Variants in ZFHX4 observed in about 807,000 individuals in gnomAD.
ZFHX4 encodes the protein zinc finger homeobox 4, also known as zinc finger homeobox protein 4.
Under a neutral mutation model 267.6 loss-of-function variants are expected in ZFHX4, and 56 were observed. The observed-to-expected ratio is 0.21, with a 90% CI of 0.17 to 0.26. The LOEUF is 0.26. ZFHX4 is among the 10% of genes least tolerant of loss of function. The probability of loss-of-function intolerance (pLI) is 1.00; values close to 1 mark genes in which losing one functional copy is unlikely to be tolerated. For missense variants in ZFHX4, 4,332 were observed against 4,420.0 expected (o/e 0.98, Z 0.56); for synonymous variants, 1,778 against 1,665.6 (o/e 1.07, Z -1.64).
chr8:76,788,822 G>C (rs187937021), intron 4 of ZFHX4, among the ~76,000 whole-genome samples: 8 of 152,206 alleles, frequency 5.3e-5, no homozygotes, highest in African/African-American at 1.7e-4. Context: ...GCAGGTCTGG[G>C]GTCTGGGCCA....
At chr8:76,689,712 A>C (rs1807778181) in intron 1 of ZFHX4, among the ~76,000 whole-genome samples, 1 of 152,104 alleles carries the variant, frequency 6.6e-6, no homozygotes, top group East Asian at 1.9e-4. Flanking sequence ...CATATTTGAC[A>C]TACAATCCTC....
At chr8:76,833,303 A>G in intron 4 of ZFHX4, 35 bp from the exon 5 acceptor site, 1 of 1,583,888 alleles carries the variant, frequency 6.3e-7, no homozygotes, top group Non-Finnish European at 8.6e-7. Context: ...TGGATATGGC[A>G]TGCTGATTAC....
intron 3 of ZFHX4, among the ~76,000 whole-genome samples, chr8:76,734,795 G>A (rs1809114500): frequency 6.6e-6 from 1 of 152,170 alleles, no homozygotes; most frequent in Non-Finnish European, 1.5e-5. Context: ...ATCACACTGT[G>A]TAGTCTTTGA....
Position 76,849,571 on chromosome 8 carries a change from C to T in ZFHX4, c.3705C>T (p.His1235=), listed in dbSNP as rs368857184. The part of the protein sequence containing the change: ...NSRDQSRIQM[H]VLSQHSVQPV... ...GGGACCAAAGTCGTATCCAGATGCACGTCCTATCACAGCACTCGGTGCAGC... is the reference window on the plus strand; with the variant it reads ...GGGACCAAAGTCGTATCCAGATGCATGTCCTATCACAGCACTCGGTGCAGC... Residue 1235 remains histidine (H), a synonymous_variant, in exon 8 of 11, where the codon CAC becomes CAT. Transcript: ENST00000651372. The T allele has an allele frequency of 1.1e-5, 17 of 1,613,986 alleles. No individual in the cohort carries two copies. In the African/African-American group the frequency reaches 1.3e-4, roughly 13 times the overall value.
rs752326078 is a variant in ZFHX4 at position 76,706,658 on chromosome 8, C to T, written c.2570C>T (p.Ala857Val). 19 of 1,591,324 alleles carry T rather than the reference C, an allele frequency of 1.2e-5. No individual in the cohort carries two copies. Among genetic ancestry groups the T allele is most frequent in the South Asian group, 5.8e-5 (5 of 86,560 alleles). ...TTCCAGCTGGATCCAGCGACAGCAGCGGCTTTGGCACCAGGGCTCGGTTAG... is the reference window on the plus strand; with the variant it reads ...TTCCAGCTGGATCCAGCGACAGCAGTGGCTTTGGCACCAGGGCTCGGTTAG... ...NPFQLDPATAAALAPGLVNNE... is the reference protein window; with the variant it reads ...NPFQLDPATAVALAPGLVNNE... The change falls in exon 2 of 11, where the codon GCG (alanine) becomes GTG (valine). Residue 857 changes from alanine (A) to valine (V), a missense_variant. Physicochemically the swap from Ala to Val is moderately conservative, Grantham distance 64. Around this residue, in one of 7 missense-constraint regions of ZFHX4, gnomAD observed 1,195 missense variants for 1,173.6 expected, o/e 1.02. Coordinates refer to ENST00000651372, the MANE Select transcript of ZFHX4 (RefSeq NM_024721.5).
At chr8:76,807,076 C>A (rs903099698) in intron 4 of ZFHX4, among the ~76,000 whole-genome samples, 2 of 152,084 alleles carry the variant, frequency 1.3e-5, no homozygotes, top group Non-Finnish European at 2.9e-5. Context: ...TGGCATCATG[C>A]ACTTTTTAGT....
At chr8:76,763,076 C>T (rs7821604) in intron 3 of ZFHX4, among the ~76,000 whole-genome samples, 8 of 151,980 alleles carry the variant, frequency 5.3e-5, no homozygotes, top group African/African-American at 1.5e-4. Flanking sequence ...TATCCCCTCA[C>T]GGCATCCAGA....
chr8:76,847,121 G>A (rs983310008), intron 6 of ZFHX4, among the ~76,000 whole-genome samples: 3 of 152,136 alleles, frequency 2.0e-5, no homozygotes, highest in Non-Finnish European at 2.9e-5. Context: ...AACTTGGTTT[G>A]ACACTTTAAG....
At chr8:76,750,392 C>G (rs1340788658) in intron 3 of ZFHX4, among the ~76,000 whole-genome samples, 1 of 152,092 alleles carries the variant, frequency 6.6e-6, no homozygotes, top group Non-Finnish European at 1.5e-5. Flanking sequence ...AGATGCTAAA[C>G]TGTGCTCATT....
chr8:76,861,169 T>C lies in ZFHX4; in HGVS notation c.9380-1925T>C, dbSNP rs1812856733. ...TTATTTTTAATGTGTGAGCCATTCT[T>C]CAGTAAAATGTGTGTACTTGCTGTC... On this transcript the variant is annotated intron_variant, in intron 10 of 10. Transcript: ENST00000651372. Among the ~76,000 whole-genome samples, 3 of 152,190 alleles carry C rather than the reference T, an allele frequency of 2.0e-5. No individual in the cohort carries two copies. In the South Asian group the frequency reaches 6.2e-4, roughly 31 times the overall value.
At chr8:76,796,684 A>G (rs1296640900) in intron 4 of ZFHX4, among the ~76,000 whole-genome samples, 6 of 152,166 alleles carry the variant, frequency 3.9e-5, no homozygotes, top group Admixed American at 6.6e-5. Context: ...CACCCTGGAG[A>G]GTTTGAAAAC....
chr8:76,864,020 C>T lies in ZFHX4; in HGVS notation c.10306C>T (p.Gln3436Ter). The T allele has an allele frequency of 6.2e-7, 1 of 1,613,840 alleles. No homozygotes were observed. Among genetic ancestry groups the T allele is most frequent in the South Asian group, 1.1e-5 (1 of 91,070 alleles). Reference sequence around the variant, plus strand: ...TTTCGGTCAGCCTTTGATTGACCCACAAGAGACAGTGCTTCGTGTCCCAGT... The same window carrying T: ...TTTCGGTCAGCCTTTGATTGACCCATAAGAGACAGTGCTTCGTGTCCCAGT... ...CYFGQPLIDP[Q>*]ETVLRVPVSK... The change falls in exon 11 of 11, where the codon CAA becomes TAA. Residue 3436 changes from glutamine to a stop codon, truncating the protein, a stop_gained. Transcript: ENST00000651372. LOFTEE classifies it high-confidence loss of function.
intron 9 of ZFHX4, 34 bp from the exon 10 acceptor site, chr8:76,850,852 T>C: frequency 6.7e-7 from 1 of 1,497,460 alleles, no homozygotes; most frequent in Non-Finnish European, 8.9e-7. Flanking sequence ...GGTTTTCTTA[T>C]TGTAAGAGAG....
At position 76,854,164 on chromosome 8, in the gene ZFHX4, C is replaced by A. The variant is rs1423308783; in HGVS notation, c.7243C>A (p.Gln2415Lys). The A allele has an allele frequency of 1.3e-6, 2 of 1,598,056 alleles. No individual in the cohort carries two copies. The highest frequency in any genetic ancestry group is 2.7e-5 in the African/African-American group (2 of 74,504). Reference protein sequence around the residue: ...KPEYPAEKPKQSDPSPPSQGT... With the variant: ...KPEYPAEKPKKSDPSPPSQGT... ...TGAATATCCCGCAGAAAAGCCAAAG[C>A]AGAGTGACCCCTCTCCCCCTTCTCA... The change falls in exon 10 of 11, where the codon CAG becomes AAG. Residue 2415 changes from glutamine to lysine, a missense_variant. This residue lies in a region of ZFHX4 where 1,648 missense variants were observed against 1,625.0 expected (regional missense o/e 1.01). Coordinates refer to ENST00000651372, the MANE Select transcript of ZFHX4 (RefSeq NM_024721.5).
At position 76,851,974 on chromosome 8, in the gene ZFHX4, C is replaced by T. The variant is rs1182845600; in HGVS notation, c.5053C>T (p.His1685Tyr). 1.2e-6 allele frequency: 2 copies of T among 1,613,866 alleles called. No homozygotes were observed. Among genetic ancestry groups the T allele is most frequent in the East Asian group, 2.2e-5 (1 of 44,886 alleles). ...TGATTTAATCTCTGCTCAACCTGCA[C>T]ATCACCCACCACAGTCACCAGCACA... ...TPDLISAQPA[H>Y]HPPQSPAQIQ... The change falls in exon 10 of 11, where the codon CAT becomes TAT. Residue 1685 changes from histidine to tyrosine, a missense_variant. His to Tyr is a moderately conservative substitution (Grantham distance 83). Coordinates refer to ENST00000651372, the MANE Select transcript of ZFHX4 (RefSeq NM_024721.5).
chr8:76,808,717 C>A (rs1811303747), intron 4 of ZFHX4, among the ~76,000 whole-genome samples: 1 of 152,116 alleles, frequency 6.6e-6, no homozygotes, highest in African/African-American at 2.4e-5. Context: ...TTTGCAACAA[C>A]TTTGTTTAAA....
intron 3 of ZFHX4, among the ~76,000 whole-genome samples, chr8:76,775,317 C>G (rs1389830939): frequency 1.3e-5 from 2 of 152,138 alleles, no homozygotes; most frequent in Non-Finnish European, 2.9e-5. Context: ...ACTACTTAAT[C>G]AAGTCCCACT....
At chr8:76,825,726 G>A (rs894023521) in intron 4 of ZFHX4, among the ~76,000 whole-genome samples, 3 of 152,146 alleles carry the variant, frequency 2.0e-5, no homozygotes, top group Non-Finnish European at 2.9e-5. Context: ...AACTCATTGC[G>A]ATGAAAATAA....
chr8:76,708,246 C>A, intron 3 of ZFHX4, 198 bp downstream of exon 3: 1 of 677,664 alleles, frequency 1.5e-6, no homozygotes, highest in Non-Finnish European at 2.4e-6. Context: ...AAGTTTTACC[C>A]TATGTCTCAC....
Sources: allele counts gnomAD v4.1 joint callset (sites outside exome capture counted in the v4.1 genomes callset), GRCh38; gene constraint gnomAD v4.1.1; regional missense constraint gnomAD v4.1.1; transcripts MANE v1.5; gene names NCBI Gene and HGNC (gene_info 2026-07-23, HGNC 2026-07-21).